Variants in C1GALT1 observed in about 807,000 individuals in gnomAD.
C1GALT1 encodes glycoprotein-N-acetylgalactosamine 3-beta-galactosyltransferase 1.
Under a neutral mutation model 31.0 loss-of-function variants are expected in C1GALT1, and 11 were observed. The ratio of observed to expected loss-of-function variants is 0.36; its 90% CI spans 0.22 to 0.59. C1GALT1 has a LOEUF of 0.59. Among genes scored for constraint, C1GALT1 ranks in the 20% least tolerant of loss-of-function variants. C1GALT1 has a pLI of 0.79. For missense variants in C1GALT1, 424 were observed against 425.2 expected, an observed-to-expected ratio of 1.00 and a Z score of 0.03; for synonymous variants, 175 against 143.6, an observed-to-expected ratio of 1.22 and a Z score of -1.56.
At chr7:7,226,529 G>C (rs1337444848) in intron 1 of C1GALT1, among the ~76,000 whole-genome samples, 2 of 152,170 alleles carry the variant, frequency 1.3e-5, no homozygotes, top group Non-Finnish European at 2.9e-5. Flanking sequence ...CCAAGCATAA[G>C]AGAAGAGGTT....
intron 1 of C1GALT1, among the ~76,000 whole-genome samples, chr7:7,225,114 T>G (rs1374172388): frequency 6.6e-6 from 1 of 152,170 alleles, no homozygotes; most frequent in African/African-American, 2.4e-5. Flanking sequence ...TTTTATTAAT[T>G]TCTGCTCTTT....
chr7:7,227,773 C>T (rs927988749), intron 1 of C1GALT1, among the ~76,000 whole-genome samples: 1 of 151,626 alleles, frequency 6.6e-6, no homozygotes, highest in Admixed American at 6.6e-5. Context: ...CGTTAGCATG[C>T]GTATCCCTCA....
At chr7:7,221,460 A>C (rs532319516) in intron 1 of C1GALT1, among the ~76,000 whole-genome samples, 3 of 149,676 alleles carry the variant, frequency 2.0e-5, no homozygotes, top group African/African-American at 7.3e-5. Flanking sequence ...TCTCTACCAA[A>C]TTCATTTAAA....
chr7:7,212,380 A>G (rs1476400530), intron 1 of C1GALT1, among the ~76,000 whole-genome samples: 4 of 152,222 alleles, frequency 2.6e-5, no homozygotes, highest in African/African-American at 9.6e-5. Context: ...AAGCCTTGGT[A>G]TAATAACCAG....
At chr7:7,196,099 AC>A (rs1432792904) in intron 1 of C1GALT1, among the ~76,000 whole-genome samples, 2 of 152,112 alleles carry the variant, frequency 1.3e-5, no homozygotes, top group African/African-American at 4.8e-5. Flanking sequence ...GTTCTAGGGT[AC>A]ATGTGCACAA....
chr7:7,241,890 TATAA>T (rs1475476350), intron 3 of C1GALT1, among the ~76,000 whole-genome samples: 2 of 151,994 alleles, frequency 1.3e-5, no homozygotes, highest in South Asian at 2.1e-4. Context: ...TCCAGTAAAA[TATAA>T]ATAAATAAGA....
chr7:7,177,249 T>A (rs1451661271), intron 2 of C1GALT1, among the ~76,000 whole-genome samples: 2 of 152,180 alleles, frequency 1.3e-5, no homozygotes, highest in African/African-American at 4.8e-5. Context: ...ACCTCTCAGG[T>A]TAGTCATGCC....
At chr7:7,223,848 C>A (rs1208876144) in intron 1 of C1GALT1, among the ~76,000 whole-genome samples, 7 of 152,096 alleles carry the variant, frequency 4.6e-5, no homozygotes, top group African/African-American at 1.7e-4. Flanking sequence ...TGTTCATGAT[C>A]TTAACGTGAA....
At chr7:7,201,662 A>G (rs1781535993) in intron 1 of C1GALT1, among the ~76,000 whole-genome samples, 1 of 152,144 alleles carries the variant, frequency 6.6e-6, no homozygotes, top group Non-Finnish European at 1.5e-5. Context: ...GGCCAGTGCC[A>G]CTCCCAAGGT....
At chr7:7,220,174 G>A (rs1164644012) in intron 1 of C1GALT1, among the ~76,000 whole-genome samples, 1 of 152,106 alleles carries the variant, frequency 6.6e-6, no homozygotes, top group Non-Finnish European at 1.5e-5. Context: ...AGGCCATATA[G>A]CAAGCAATTA....
chr7:7,166,294 A>G (rs1284773904), intron 2 of C1GALT1, among the ~76,000 whole-genome samples: 1 of 152,208 alleles, frequency 6.6e-6, no homozygotes, highest in East Asian at 1.9e-4. Flanking sequence ...ATTGTGGTAT[A>G]TTCTTATAAT....
chr7:7,170,042 G>T (rs955755796), intron 2 of C1GALT1, among the ~76,000 whole-genome samples: 12 of 152,156 alleles, frequency 7.9e-5, no homozygotes, highest in Admixed American at 7.2e-4. Flanking sequence ...CTTGTTGTAG[G>T]TCTAGTGAAA....
intron 1 of C1GALT1, among the ~76,000 whole-genome samples, chr7:7,217,346 G>A (rs1782292942): frequency 6.6e-6 from 1 of 151,772 alleles, no homozygotes; most frequent in Non-Finnish European, 1.5e-5. Context: ...GCTGAGAGAG[G>A]GAATTCCCCT....
intron 1 of C1GALT1, among the ~76,000 whole-genome samples, chr7:7,216,924 C>T (rs1554294167): frequency 6.6e-6 from 1 of 152,164 alleles, no homozygotes; most frequent in Non-Finnish European, 1.5e-5. Context: ...CTGTAATTCT[C>T]TTTCTTTTCT....
At chr7:7,211,705 A>T (rs574062775) in intron 1 of C1GALT1, among the ~76,000 whole-genome samples, 2 of 152,288 alleles carry the variant, frequency 1.3e-5, no homozygotes, top group East Asian at 3.9e-4. Flanking sequence ...AAACAAAGAA[A>T]CCTTCGGGTT....
chr7:7,172,991 A>G (rs1780470594), intron 2 of C1GALT1, among the ~76,000 whole-genome samples: 1 of 152,166 alleles, frequency 6.6e-6, no homozygotes, highest in African/African-American at 2.4e-5. Flanking sequence ...ATCTGATTGG[A>G]ATCATGCAGT....
chr7:7,168,957 C>T (rs1434534028), intron 2 of C1GALT1, among the ~76,000 whole-genome samples: 1 of 152,112 alleles, frequency 6.6e-6, no homozygotes, highest in East Asian at 1.9e-4. Flanking sequence ...GTGCAAACAC[C>T]ACCACTATCT....
At chr7:7,199,405 G>A (rs1342276079) in intron 1 of C1GALT1, among the ~76,000 whole-genome samples, 1 of 151,936 alleles carries the variant, frequency 6.6e-6, no homozygotes, top group Non-Finnish European at 1.5e-5. Flanking sequence ...CTGAGAGACA[G>A]TTTGTTATAA....
In C1GALT1 at chr7:7,244,495, T is replaced by C. The variant is rs530945949; in HGVS notation, c.*768T>C. 6.6e-6 allele frequency: 1 copy of C among 152,312 alleles called. No individual in the cohort carries two copies. The highest frequency in any genetic ancestry group is 6.5e-5 in the Admixed American group (1 of 15,304). The allele number at this position is 152,312 out of a possible 1,614,324, so 9.4% of individuals were successfully genotyped here. ...TAATTTACTCAAACCGTTCATAGCATTCTGTAAACATGTATTTTACATATT... is the reference window on the plus strand; with the variant it reads ...TAATTTACTCAAACCGTTCATAGCACTCTGTAAACATGTATTTTACATATT... On this transcript the variant is annotated 3_prime_UTR_variant, in exon 4 of 4. Coordinates refer to ENST00000436587, the MANE Select transcript of C1GALT1 (RefSeq NM_020156.5).
Sources: gnomAD v4.1 joint callset for allele counts (sites outside exome capture counted in the v4.1 genomes callset) on GRCh38, gnomAD v4.1.1 for gene constraint, MANE v1.5 for transcripts, NCBI Gene and HGNC (gene_info 2026-07-23, HGNC 2026-07-21) for gene names.